IPPK: variants seen among roughly 807,000 people sequenced by gnomAD.
The protein encoded by IPPK is IPK1 homolog.
A neutral mutation model predicts 64.6 loss-of-function variants in IPPK; 22 were observed. That is an observed-to-expected ratio of 0.34 (90% confidence interval 0.24 to 0.49). The LOEUF (loss-of-function observed/expected upper bound fraction) is 0.49, where lower values mean the gene tolerates loss of function less well. Among genes scored for constraint, IPPK ranks in the 20% least tolerant of loss-of-function variants. The pLI is 0.99. For missense variants in IPPK, 532 were observed against 630.7 expected (o/e 0.84, Z 1.68); for synonymous variants, 262 against 247.2 (o/e 1.06, Z -0.56).
chr9:92,621,507 CTTT>C (rs58003734), intron 11 of IPPK, among the ~76,000 whole-genome samples: 1 of 87,812 alleles, frequency 1.1e-5, no homozygotes, highest in Non-Finnish European at 2.1e-5. Context: ...AATACCATTC[CTTT>C]TTTTTTTTTT....
chr9:92,653,057 C>T (rs1852300407), intron 3 of IPPK, among the ~76,000 whole-genome samples: 1 of 152,224 alleles, frequency 6.6e-6, no homozygotes, highest in South Asian at 2.1e-4. Flanking sequence ...AACCTGAGAA[C>T]CTCACGCTTC....
At chr9:92,660,334 A>T (rs998721868) in intron 1 of IPPK, among the ~76,000 whole-genome samples, 1 of 152,170 alleles carries the variant, frequency 6.6e-6, no homozygotes, top group East Asian at 1.9e-4. Flanking sequence ...AATACATTAC[A>T]TGAAATCCCT....
Position 92,670,035 on chromosome 9 carries a change from G to C in IPPK, c.-47C>G. ...CTCGCGGGCTAGGACTCGGGGACGC[G>C]AGCTGGGGGCCGCCCGCCTCGCTGG... On this transcript the variant is annotated 5_prime_UTR_variant, in exon 1 of 13. Coordinates refer to ENST00000287996, the MANE Select transcript of IPPK (RefSeq NM_022755.6). The C allele has an allele frequency of 2.8e-6, 4 of 1,425,636 alleles. No homozygotes were observed. The highest frequency in any genetic ancestry group is 3.8e-6 in the Non-Finnish European group (4 of 1,040,232). The allele number at this position is 1,425,636 out of a possible 1,614,324, so 88.3% of individuals were successfully genotyped here. A position where few individuals can be genotyped will look rare whatever the true frequency, so the allele number is the denominator to read the frequency against.
intron 6 of IPPK, among the ~76,000 whole-genome samples, chr9:92,646,829 C>T (rs954150666): frequency 6.6e-6 from 1 of 151,940 alleles, no homozygotes; most frequent in East Asian, 1.9e-4. Flanking sequence ...TGATGGCGGG[C>T]GCCTATAGTC....
At chr9:92,649,670 G>A in intron 4 of IPPK, 96 bp from the exon 5 acceptor site, 2 of 1,438,440 alleles carry the variant, frequency 1.4e-6, no homozygotes, top group Non-Finnish European at 1.9e-6. Flanking sequence ...CTGGTTCCAG[G>A]GGGCATCTCT....
Position 92,635,081 on chromosome 9 carries a change from G to T in IPPK, c.1067+77C>A. 2 of 1,385,240 alleles carry T rather than the reference G, an allele frequency of 1.4e-6. No homozygotes were observed. Among genetic ancestry groups the T allele is most frequent in the Non-Finnish European group, 2.0e-6 (2 of 1,016,992 alleles). The allele number at this position is 1,385,240 out of a possible 1,614,324, so 85.8% of individuals were successfully genotyped here. A position where few individuals can be genotyped will look rare whatever the true frequency, so the allele number is the denominator to read the frequency against. ...TCATCCTCCTGGGAAGCTGTGCCTT[G>T]GGAGGCGCATTCTTACCCTGCCCAC... On this transcript the variant is annotated intron_variant, in intron 10 of 12. Transcript: ENST00000287996. The surrounding 1 kb of genome is among the most constrained non-coding windows in gnomAD (Gnocchi z 4.4).
intron 7 of IPPK, among the ~76,000 whole-genome samples, chr9:92,641,757 C>T (rs1852051396): frequency 6.6e-6 from 1 of 152,182 alleles, no homozygotes; most frequent in Admixed American, 6.5e-5. Flanking sequence ...GGCACGCACT[C>T]AGAGGCAGTG....
At chr9:92,648,207 T>C (rs1407094817) in intron 5 of IPPK, 59 bp from the exon 6 acceptor site, 3 of 1,210,650 alleles carry the variant, frequency 2.5e-6, no homozygotes, top group Admixed American at 1.9e-5. Context: ...TACCTCTAAA[T>C]AGACATATCA....
rs1851355608 is a variant in IPPK, at chr9:92,614,067, C to T, written c.*1765G>A. On this transcript the variant is annotated 3_prime_UTR_variant, in exon 13 of 13. Coordinates refer to ENST00000287996, the MANE Select transcript of IPPK (RefSeq NM_022755.6). ...CAGAGTGGGGGTCTCCATCTGTTTT[C>T]TCTTCTCCCTCAAATACAGGCTGTT... is the stretch of plus-strand genomic sequence containing the variant. 6.6e-6 allele frequency: 1 copy of T among 152,306 alleles called. No homozygotes were observed. The highest frequency in any genetic ancestry group is 1.5e-5 in the Non-Finnish European group (1 of 68,120). 9.4% of individuals were successfully genotyped at this position (152,306 alleles called of 1,614,324 possible).
chr9:92,649,351 C>G (rs1220918853), intron 5 of IPPK, 102 bp downstream of exon 5: 2 of 1,379,290 alleles, frequency 1.5e-6, no homozygotes, highest in Non-Finnish European at 2.0e-6. Flanking sequence ...GCCTACCACT[C>G]ACTTCAGTGG....
At chr9:92,644,142 GA>G (rs1256399467) in intron 6 of IPPK, among the ~76,000 whole-genome samples, 2 of 152,000 alleles carry the variant, frequency 1.3e-5, no homozygotes, top group Non-Finnish European at 2.9e-5. Context: ...ATGACCTCCA[GA>G]AATTCTCTCC....
intron 3 of IPPK, 134 bp downstream of exon 3, chr9:92,656,322 A>G: frequency 1.5e-6 from 1 of 654,652 alleles, no homozygotes; most frequent in Non-Finnish European, 2.8e-6. Context: ...CACCCAGCAC[A>G]GCAAATGAGA....
chr9:92,621,176 C>T (rs1420982534), intron 11 of IPPK, among the ~76,000 whole-genome samples: 1 of 146,734 alleles, frequency 6.8e-6, no homozygotes, highest in Non-Finnish European at 1.5e-5. Flanking sequence ...CACCTCCTAA[C>T]ACCATCACCT....
At chr9:92,655,234 C>T (rs1042054070) in intron 3 of IPPK, among the ~76,000 whole-genome samples, 2 of 152,334 alleles carry the variant, frequency 1.3e-5, no homozygotes, top group Admixed American at 1.3e-4. Context: ...CTGTTCTTCC[C>T]TCACGTGGCC....
Position 92,613,387 on chromosome 9 carries a change from T to G in IPPK, c.*2445A>C, listed in dbSNP as rs1851331499. On this transcript the variant is annotated 3_prime_UTR_variant, in exon 13 of 13. Coordinates refer to ENST00000287996, the MANE Select transcript of IPPK (RefSeq NM_022755.6). ...GTGGTTTATAAAAATAAGCTTAACA[T>G]CTGAGAAAATGTACCAAGTGGTTGT... 2 of 442,782 alleles carry G rather than the reference T, an allele frequency of 4.5e-6. No individual in the cohort carries two copies. The highest frequency in any genetic ancestry group is 3.5e-5 in the Admixed American group (1 of 28,962). The allele number at this position is 442,782 out of a possible 1,614,324, so 27.4% of individuals were successfully genotyped here.
At chr9:92,647,466 C>T (rs1185163325) in intron 6 of IPPK, among the ~76,000 whole-genome samples, 1 of 152,106 alleles carries the variant, frequency 6.6e-6, no homozygotes, top group African/African-American at 2.4e-5. Context: ...TAGAAAACTA[C>T]ACACCAACAT....
chr9:92,663,072 T>C (rs1852519731), intron 1 of IPPK, among the ~76,000 whole-genome samples: 2 of 152,166 alleles, frequency 1.3e-5, no homozygotes, highest in South Asian at 2.1e-4. Flanking sequence ...TTCTACATAT[T>C]TGTGCTATAA....
In IPPK at chr9:92,649,156, G is replaced by A. The variant is rs558744536; in HGVS notation, c.414+297C>T. Among the ~76,000 whole-genome samples the A allele has an allele frequency of 1.2e-4, 18 of 152,328 alleles. No homozygotes were observed. In the South Asian group the frequency reaches 2.1e-3, roughly 18 times the overall value. ...AAAACGGGTCAGGGGGACCCAACGCGCTTCCCTCTGGTGACCCTCAACCAG... is the reference window on the plus strand; with the variant it reads ...AAAACGGGTCAGGGGGACCCAACGCACTTCCCTCTGGTGACCCTCAACCAG... On this transcript the variant is annotated intron_variant, in intron 5 of 12. Coordinates refer to ENST00000287996, the MANE Select transcript of IPPK (RefSeq NM_022755.6).
At chr9:92,638,435 C>T (rs1487782133) in intron 8 of IPPK, among the ~76,000 whole-genome samples, 155 bp from the exon 9 acceptor site, 4 of 152,238 alleles carry the variant, frequency 2.6e-5, no homozygotes, top group South Asian at 4.1e-4. Flanking sequence ...CCGGCTCCTC[C>T]GGGGAAATCC....
Sources: allele counts gnomAD v4.1 joint callset (sites outside exome capture counted in the v4.1 genomes callset), GRCh38; gene constraint gnomAD v4.1.1; non-coding constraint Gnocchi (gnomAD v3.1); transcripts MANE v1.5; gene names NCBI Gene and HGNC (gene_info 2026-07-23, HGNC 2026-07-21).